The following ATP9B variants were observed in gnomAD, a reference collection of about 807,000 sequenced individuals.
The protein encoded by ATP9B is ATPase phospholipid transporting 9B, also known as probable phospholipid-transporting ATPase IIB.
ATP9B carries 110 observed loss-of-function variants against 146.1 expected under a neutral mutation model. The observed-to-expected ratio is 0.75, with a 90% confidence interval of 0.65 to 0.88. The LOEUF is 0.88. ATP9B is among the 40% of genes least tolerant of loss of function. The probability of loss-of-function intolerance (pLI) is 0.00; values close to 1 mark genes in which losing one functional copy is unlikely to be tolerated. For missense variants in ATP9B, 1,499 were observed against 1,496.4 expected, an observed-to-expected ratio of 1.00 and a Z score of -0.03; for synonymous variants, 604 against 569.7, an observed-to-expected ratio of 1.06 and a Z score of -0.86.
intron 26 of ATP9B, among the ~76,000 whole-genome samples, chr18:79,366,371 G>A (rs1353498687): frequency 6.6e-6 from 1 of 152,246 alleles, no homozygotes; most frequent in East Asian, 1.9e-4. Context: ...GGGAAGAAAG[G>A]AGCTCTTTTC....
chr18:79,099,379 C>T (rs770706580), intron 2 of ATP9B, among the ~76,000 whole-genome samples: 29 of 151,938 alleles, frequency 1.9e-4, no homozygotes, highest in Non-Finnish European at 3.5e-4. Flanking sequence ...GCACCAGCAT[C>T]CCCGGCTAAT....
rs572008967 is a variant in ATP9B, at chr18:79,224,874, A to G, written c.1107+10836A>G. ...GGGGTTATGGCTGCAGCTAGGAAAC[A>G]CCAGTGGAGAAGGAAGCCCAGGCCA... On this transcript the variant is annotated intron_variant, in intron 11 of 29. Coordinates refer to ENST00000426216, the MANE Select transcript of ATP9B (RefSeq NM_198531.5). Among the ~76,000 whole-genome samples, 377 of 152,042 alleles carry G rather than the reference A, an allele frequency of 2.5e-3. 3 individuals are homozygous for G. The highest frequency in any genetic ancestry group is 3.9e-3 in the Non-Finnish European group (263 of 68,010).
chr18:79,364,314 A>G (rs2097013491), intron 26 of ATP9B: 1 of 152,222 alleles, frequency 6.6e-6, no homozygotes, highest in South Asian at 2.1e-4. Context: ...AGAGTTGGAA[A>G]ACACACTACC....
chr18:79,125,374 G>A (rs1301606144), intron 4 of ATP9B, among the ~76,000 whole-genome samples: 2 of 152,112 alleles, frequency 1.3e-5, no homozygotes, highest in Non-Finnish European at 2.9e-5. Context: ...TGTTGAAGGG[G>A]TTTTCAAATA....
intron 10 of ATP9B, among the ~76,000 whole-genome samples, chr18:79,207,880 G>A (rs1273532744): frequency 6.6e-6 from 1 of 152,198 alleles, no homozygotes; most frequent in Non-Finnish European, 1.5e-5. Flanking sequence ...GGTTAAGCAA[G>A]TGTTCTAGGT....
At chr18:79,093,816 T>C (rs919177396) in intron 1 of ATP9B, among the ~76,000 whole-genome samples, 2 of 152,274 alleles carry the variant, frequency 1.3e-5, no homozygotes, top group African/African-American at 4.8e-5. Flanking sequence ...CTTCTGTTTT[T>C]CTATTCACTT....
chr18:79,226,864 C>T (rs377634459), intron 11 of ATP9B, among the ~76,000 whole-genome samples: 4 of 152,134 alleles, frequency 2.6e-5, no homozygotes, highest in East Asian at 1.9e-4. Flanking sequence ...GACTGACACC[C>T]GCTGTGTGTT....
intron 11 of ATP9B, among the ~76,000 whole-genome samples, chr18:79,222,435 T>C (rs2095689157): frequency 6.6e-6 from 1 of 152,132 alleles, no homozygotes; most frequent in Non-Finnish European, 1.5e-5. Flanking sequence ...CCCCACACTC[T>C]AGGTGAAGTG....
At chr18:79,320,851 A>T (rs73003822) in intron 15 of ATP9B, among the ~76,000 whole-genome samples, 30,603 of 151,656 alleles carry the variant, frequency 0.2, 3,875 homozygotes, top group East Asian at 0.52. Context: ...AAACCTTGGG[A>T]TGCTGTGGGT....
intron 11 of ATP9B, among the ~76,000 whole-genome samples, chr18:79,252,915 G>C (rs945989246): frequency 6.6e-6 from 1 of 152,110 alleles, no homozygotes; most frequent in Non-Finnish European, 1.5e-5. Flanking sequence ...ATCCTCATGG[G>C]GGAGGTGCAG....
intron 10 of ATP9B, among the ~76,000 whole-genome samples, chr18:79,208,707 A>G (rs1248489889): frequency 2.0e-5 from 3 of 152,172 alleles, no homozygotes; most frequent in African/African-American, 7.2e-5. Flanking sequence ...TATAAATTAC[A>G]TCTATATATA....
At chr18:79,099,345 CT>C (rs1173190262) in intron 2 of ATP9B, among the ~76,000 whole-genome samples, 1 of 152,156 alleles carries the variant, frequency 6.6e-6, no homozygotes, top group African/African-American at 2.4e-5. Flanking sequence ...CCTCAGCCTC[CT>C]GAGTAGCTGG....
intron 8 of ATP9B, among the ~76,000 whole-genome samples, chr18:79,187,965 AC>A (rs540643392): frequency 2.0e-5 from 3 of 152,292 alleles, no homozygotes; most frequent in East Asian, 3.9e-4. Context: ...AGCATGACTT[AC>A]AACTCTCCAG....
At chr18:79,138,329 T>C (rs565063815) in intron 5 of ATP9B, among the ~76,000 whole-genome samples, 1 of 152,196 alleles carries the variant, frequency 6.6e-6, no homozygotes, top group African/African-American at 2.4e-5. Flanking sequence ...GACACAGTTT[T>C]ACATGAGAAA....
intron 12 of ATP9B, among the ~76,000 whole-genome samples, chr18:79,260,251 C>T (rs1291561487): frequency 6.6e-6 from 1 of 152,174 alleles, no homozygotes; most frequent in Non-Finnish European, 1.5e-5. Flanking sequence ...AAGTCACCTT[C>T]ACAAGGCAGC....
At chr18:79,206,614 A>G (rs960928296) in intron 9 of ATP9B, among the ~76,000 whole-genome samples, 4 of 131,232 alleles carry the variant, frequency 3.0e-5, no homozygotes, top group African/African-American at 1.2e-4. Flanking sequence ...GGGCAGCATA[A>G]TAACACCTCA....
chr18:79,176,680 T>C (rs2095175527), intron 7 of ATP9B, 133 bp from the exon 8 acceptor site: 1 of 682,318 alleles, frequency 1.5e-6, no homozygotes, highest in African/African-American at 1.8e-5. Context: ...AGGAGTTTTG[T>C]TCCTGGGAAT....
At chr18:79,127,474 T>G (rs1013031955) in intron 5 of ATP9B, among the ~76,000 whole-genome samples, 2 of 152,194 alleles carry the variant, frequency 1.3e-5, no homozygotes, top group African/African-American at 2.4e-5. Flanking sequence ...TGTGTGGTCC[T>G]TGGTCACCAG....
At chr18:79,139,207 A>G (rs1381513601) in intron 5 of ATP9B, among the ~76,000 whole-genome samples, 1 of 152,148 alleles carries the variant, frequency 6.6e-6, no homozygotes, top group Non-Finnish European at 1.5e-5. Context: ...GACTCATTTT[A>G]ACTACTTAGG....
Sources: allele counts gnomAD v4.1 joint callset (sites outside exome capture counted in the v4.1 genomes callset), GRCh38; gene constraint gnomAD v4.1.1; transcripts MANE v1.5; gene names NCBI Gene and HGNC (gene_info 2026-07-23, HGNC 2026-07-21).